Variants in DTNA observed in about 807,000 individuals in gnomAD.
The protein encoded by DTNA is dystrobrevin alpha.
A neutral mutation model predicts 100.7 loss-of-function variants in DTNA; 43 were observed. The ratio of observed to expected loss-of-function variants is 0.43; its 90% CI spans 0.33 to 0.55. The LOEUF is 0.55. DTNA is among the 20% of genes least tolerant of loss of function. DTNA has a pLI of 0.04. For missense variants in DTNA, 798 were observed against 953.9 expected (o/e 0.84, Z 2.15); for synonymous variants, 349 against 347.9 (o/e 1.00, Z -0.04).
intron 3 of DTNA, among the ~76,000 whole-genome samples, chr18:34,770,172 A>G (rs148340948): frequency 1.3e-5 from 2 of 152,328 alleles, no homozygotes; most frequent in East Asian, 3.9e-4. Context: ...CATTCAAACA[A>G]TAGCAGAAAC....
chr18:34,867,079 A>G (rs1004212245), intron 17 of DTNA: 39 of 1,230,688 alleles, frequency 3.2e-5, no homozygotes, highest in Non-Finnish European at 3.6e-5. Context: ...ATGTATGACA[A>G]TATATCCCAC....
At chr18:34,595,028 G>T (rs779354984) in intron 1 of DTNA, among the ~76,000 whole-genome samples, 1 of 152,194 alleles carries the variant, frequency 6.6e-6, no homozygotes. Flanking sequence ...TTAACCTTGG[G>T]TAATACTTAT....
chr18:34,747,104 C>A (rs1329015644), intron 1 of DTNA, among the ~76,000 whole-genome samples: 2 of 148,302 alleles, frequency 1.3e-5, no homozygotes, highest in African/African-American at 5.0e-5. Flanking sequence ...ATATCTGTAT[C>A]TATATATATA....
In DTNA at chr18:34,620,353, A is replaced by G. The variant is rs7231657; in HGVS notation, c.-2+126839A>G. 8.9e-3 allele frequency among the ~76,000 whole-genome samples: 1,359 copies of G among 152,342 alleles called. 13 individuals carry two copies. Among genetic ancestry groups the G allele is most frequent in the African/African-American group, 0.031 (1,280 of 41,568 alleles). On this transcript the variant is annotated intron_variant, in intron 1 of 19. Coordinates refer to the DTNA transcript ENST00000283365. The stretch of plus-strand genomic sequence containing the variant: ...TAAGTTTGAAGATATTTGAATGCTC[A>G]TATCAAAAAAGTTCATGGAAATGGA...
intron 1 of DTNA, among the ~76,000 whole-genome samples, chr18:34,701,408 T>G (rs937697833): frequency 2.0e-5 from 3 of 152,134 alleles, no homozygotes; most frequent in Non-Finnish European, 4.4e-5. Flanking sequence ...TGTTTTCAAG[T>G]CCATAGAAGC....
chr18:34,567,134 A>G (rs1361209886), intron 1 of DTNA, among the ~76,000 whole-genome samples: 2 of 152,200 alleles, frequency 1.3e-5, no homozygotes, highest in African/African-American at 4.8e-5. Flanking sequence ...TTTTTGAATT[A>G]GTCACAATGG....
chr18:34,653,262 A>C (rs897047974), intron 1 of DTNA, among the ~76,000 whole-genome samples: 1 of 152,218 alleles, frequency 6.6e-6, no homozygotes, highest in Non-Finnish European at 1.5e-5. Context: ...ATTGCTAAAA[A>C]TAAAATTCAG....
intron 1 of DTNA, among the ~76,000 whole-genome samples, chr18:34,692,248 A>C (rs2079875948): frequency 6.6e-6 from 1 of 152,208 alleles, no homozygotes; most frequent in African/African-American, 2.4e-5. Flanking sequence ...GTAAAAGAAG[A>C]GCTCCGTTCT....
chr18:34,494,365 G>A (rs2038937831), intron 1 of DTNA, among the ~76,000 whole-genome samples: 1 of 144,702 alleles, frequency 6.9e-6, no homozygotes, highest in African/African-American at 2.6e-5. Context: ...CCCCGGGGAC[G>A]GGGGGCGGCG....
At chr18:34,534,660 C>T (rs548946846) in intron 1 of DTNA, among the ~76,000 whole-genome samples, 1 of 152,104 alleles carries the variant, frequency 6.6e-6, no homozygotes, top group South Asian at 2.1e-4. Context: ...AACCCCCCTA[C>T]AGGCTCTGGT....
chr18:34,833,879 C>T (rs2149645286), intron 11 of DTNA, among the ~76,000 whole-genome samples: 1 of 152,276 alleles, frequency 6.6e-6, no homozygotes, highest in African/African-American at 2.4e-5. Flanking sequence ...GCATGTAGAA[C>T]AGAAGCAGCT....
At chr18:34,624,057 T>G (rs1209443462) in intron 1 of DTNA, among the ~76,000 whole-genome samples, 1 of 152,142 alleles carries the variant, frequency 6.6e-6, no homozygotes, top group African/African-American at 2.4e-5. Context: ...AAAGGCCTAG[T>G]GAAATGATTT....
At chr18:34,493,794 G>A (rs1195120179) in intron 1 of DTNA, 9 of 149,000 alleles carry the variant, frequency 6.0e-5, no homozygotes, top group Non-Finnish European at 1.5e-5. Flanking sequence ...GTCAAGAGTG[G>A]AAGCGGGCGG....
At chr18:34,782,107 T>C (rs1028822286) in intron 3 of DTNA, among the ~76,000 whole-genome samples, 1 of 152,250 alleles carries the variant, frequency 6.6e-6, no homozygotes, top group African/African-American at 2.4e-5. Flanking sequence ...AAGGGAAAGC[T>C]TCTAAAGATT....
intron 1 of DTNA, among the ~76,000 whole-genome samples, chr18:34,516,083 A>G (rs558543889): frequency 5.3e-5 from 8 of 152,148 alleles, no homozygotes; most frequent in Non-Finnish European, 1.0e-4. Flanking sequence ...ACCACCCCCA[A>G]TAATTCAACG....
chr18:34,571,569 T>C (rs1282747771), intron 1 of DTNA, among the ~76,000 whole-genome samples: 2 of 152,016 alleles, frequency 1.3e-5, no homozygotes, highest in Non-Finnish European at 2.9e-5. Flanking sequence ...ATAGAGAGAC[T>C]CCATCTTGAC....
chr18:34,830,521 G>A (rs998059180), intron 11 of DTNA, among the ~76,000 whole-genome samples: 4 of 152,108 alleles, frequency 2.6e-5, no homozygotes, highest in African/African-American at 9.7e-5. Context: ...AGATTTATGA[G>A]TGTGTACCTC....
intron 3 of DTNA, among the ~76,000 whole-genome samples, chr18:34,779,977 CA>C (rs1308158655): frequency 6.6e-6 from 1 of 152,110 alleles, no homozygotes; most frequent in Admixed American, 6.6e-5. Context: ...GATCTACTAT[CA>C]AATAGTAATT....
intron 1 of DTNA, among the ~76,000 whole-genome samples, chr18:34,693,746 C>CTGTGTGTGTGTGTGTGTG (rs34072179): frequency 7.0e-5 from 10 of 143,110 alleles, no homozygotes; most frequent in African/African-American, 2.6e-4. Flanking sequence ...CTTGTGTGCA[C>CTGTGTGTGTGTGTGTGTG]TGTGTGTGTG....
Sources: allele counts gnomAD v4.1 joint callset (sites outside exome capture counted in the v4.1 genomes callset), GRCh38; gene constraint gnomAD v4.1.1; transcripts MANE v1.5; gene names NCBI Gene and HGNC (gene_info 2026-07-23, HGNC 2026-07-21).